EYS: variants seen among roughly 807,000 people sequenced by gnomAD.
The protein encoded by EYS is EGF-like photoreceptor maintenance factor.
EYS carries 250 observed loss-of-function variants against 282.1 expected under a neutral mutation model. The observed-to-expected ratio is 0.89, with a 90% CI of 0.80 to 0.98. EYS has a LOEUF of 0.98. Ranked by LOEUF, EYS falls within the 50% of genes least tolerant of loss-of-function variation. EYS has a pLI of 0.00. For synonymous variants in EYS, 1,355 were observed against 1,282.9 expected (o/e 1.06, Z -1.20); for missense variants, 4,016 against 3,709.0 (o/e 1.08, Z -2.15).
chr6:65,664,362 G>T (rs1768128926), intron 1 of EYS, among the ~76,000 whole-genome samples: 1 of 151,732 alleles, frequency 6.6e-6, no homozygotes, highest in African/African-American at 2.4e-5. Flanking sequence ...GGAAATGAAG[G>T]GAGTAAAGAA....
At chr6:64,026,117 T>C (rs1454983369) in intron 33 of EYS, among the ~76,000 whole-genome samples, 1 of 152,008 alleles carries the variant, frequency 6.6e-6, no homozygotes, top group Non-Finnish European at 1.5e-5. Context: ...TTCTGATCAG[T>C]AGGGTCAGGG....
intron 34 of EYS, among the ~76,000 whole-genome samples, chr6:63,995,721 T>C (rs1767804701): frequency 6.6e-6 from 1 of 152,012 alleles, no homozygotes; most frequent in Non-Finnish European, 1.5e-5. Context: ...TAGTATGATC[T>C]CACTTATATG....
chr6:64,184,451 A>G (rs1327553829), intron 31 of EYS, among the ~76,000 whole-genome samples: 1 of 152,084 alleles, frequency 6.6e-6, no homozygotes, highest in East Asian at 1.9e-4. Context: ...CATGTTAAAT[A>G]CCCACTTCAC....
intron 33 of EYS, among the ~76,000 whole-genome samples, chr6:64,047,167 G>A (rs781227570): frequency 2.7e-5 from 4 of 146,516 alleles, no homozygotes; most frequent in Non-Finnish European, 4.5e-5. Flanking sequence ...TAATTTTAAA[G>A]TGTGTCATTA....
In EYS at chr6:63,784,911, T is replaced by G. The variant is rs142918358; in HGVS notation, c.7723+3194A>C. On this transcript the variant is annotated intron_variant, in intron 39 of 42. Coordinates refer to ENST00000503581, the MANE Select transcript of EYS (RefSeq NM_001142800.2). ...GATGTGTCAGTTAATCAGGGAAGGG[T>G]GAGTAGTCAAAGATGACAGTAAGCC... 3.8e-3 allele frequency among the ~76,000 whole-genome samples: 585 copies of G among 152,166 alleles called. 3 individuals are homozygous for G. The highest frequency in any genetic ancestry group is 0.012 in the African/African-American group (508 of 41,488).
chr6:64,890,767 A>T (rs1422564773), intron 18 of EYS, among the ~76,000 whole-genome samples: 1 of 152,110 alleles, frequency 6.6e-6, no homozygotes, highest in Non-Finnish European at 1.5e-5. Flanking sequence ...GTATTATCTC[A>T]AGACTTATGG....
chr6:63,923,112 A>G (rs1056665832), intron 35 of EYS, among the ~76,000 whole-genome samples: 5 of 152,192 alleles, frequency 3.3e-5, no homozygotes, highest in African/African-American at 2.4e-5. Flanking sequence ...ATAGGCTGTT[A>G]TAGGATGCTG....
intron 2 of EYS, among the ~76,000 whole-genome samples, chr6:65,605,569 T>C (rs1298042227): frequency 1.3e-5 from 2 of 151,908 alleles, no homozygotes; most frequent in Non-Finnish European, 2.9e-5. Flanking sequence ...TCATAAAACA[T>C]TGAAAGACTG....
intron 5 of EYS, among the ~76,000 whole-genome samples, chr6:65,473,914 A>G (rs1262465912): frequency 6.6e-6 from 1 of 151,776 alleles, no homozygotes; most frequent in Non-Finnish European, 1.5e-5. Flanking sequence ...AACAAGGCCC[A>G]GTGTTTTTTA....
intron 13 of EYS, among the ~76,000 whole-genome samples, chr6:65,037,654 T>C (rs1378244219): frequency 1.3e-5 from 2 of 151,896 alleles, no homozygotes; most frequent in South Asian, 2.1e-4. Flanking sequence ...GTTAATGTTA[T>C]GGGTAAGGCT....
chr6:64,121,978 C>A (rs114198580), intron 31 of EYS, among the ~76,000 whole-genome samples: 2,928 of 152,126 alleles, frequency 0.019, 81 homozygotes, highest in African/African-American at 0.066. Flanking sequence ...AAGAACATTT[C>A]CATCTGTTTT....
At chr6:65,667,226 CTGAT>C (rs1768231086) in intron 1 of EYS, among the ~76,000 whole-genome samples, 3 of 151,794 alleles carry the variant, frequency 2.0e-5, no homozygotes, top group Non-Finnish European at 4.4e-5. Context: ...AAACATGAAA[CTGAT>C]TATGTGACTG....
intron 26 of EYS, among the ~76,000 whole-genome samples, chr6:64,459,923 C>T (rs372584780): frequency 6.6e-5 from 10 of 150,756 alleles, no homozygotes; most frequent in African/African-American, 2.2e-4. Flanking sequence ...TTAACCATCA[C>T]ATCTCCTGAC....
chr6:65,292,458 A>G (rs1222229226), intron 12 of EYS, among the ~76,000 whole-genome samples: 3 of 151,782 alleles, frequency 2.0e-5, no homozygotes, highest in African/African-American at 4.8e-5. Flanking sequence ...TGAACACCCA[A>G]CATGAAGTAG....
intron 26 of EYS, among the ~76,000 whole-genome samples, chr6:64,465,069 C>G (rs1419826165): frequency 6.6e-6 from 1 of 151,636 alleles, no homozygotes; most frequent in Middle Eastern, 3.5e-3. Flanking sequence ...GATAAAAGAC[C>G]TGTACATTGA....
chr6:64,598,853 AG>A (rs1249255337), intron 24 of EYS, among the ~76,000 whole-genome samples: 3 of 152,238 alleles, frequency 2.0e-5, no homozygotes, highest in African/African-American at 4.8e-5. Flanking sequence ...ATACATAATA[AG>A]GAAAAACAGC....
At chr6:65,457,979 G>T (rs1024386796) in intron 5 of EYS, among the ~76,000 whole-genome samples, 6 of 152,066 alleles carry the variant, frequency 3.9e-5, no homozygotes, top group Non-Finnish European at 7.4e-5. Context: ...ATCATATCCA[G>T]GGAGAACCAG....
At chr6:64,941,848 T>C (rs1222869974) in intron 15 of EYS, among the ~76,000 whole-genome samples, 2 of 152,172 alleles carry the variant, frequency 1.3e-5, no homozygotes, top group Non-Finnish European at 2.9e-5. Flanking sequence ...ATTTTCTTTA[T>C]GCAATCCCAT....
intron 31 of EYS, among the ~76,000 whole-genome samples, chr6:64,150,052 G>A (rs1194745637): frequency 6.6e-6 from 1 of 152,184 alleles, no homozygotes; most frequent in Non-Finnish European, 1.5e-5. Flanking sequence ...CTATCCTGCA[G>A]TTCCTTTCAT....
Sources: gnomAD v4.1 joint callset for allele counts (sites outside exome capture counted in the v4.1 genomes callset) on GRCh38, gnomAD v4.1.1 for gene constraint, MANE v1.5 for transcripts, NCBI Gene and HGNC (gene_info 2026-07-23, HGNC 2026-07-21) for gene names.